The following SDHA variants were observed in gnomAD, a reference collection of about 807,000 sequenced individuals.
The protein encoded by SDHA is succinate dehydrogenase complex flavoprotein subunit A.
A neutral mutation model predicts 78.4 loss-of-function variants in SDHA; 48 were observed. The ratio of observed to expected loss-of-function variants is 0.61; its 90% CI spans 0.49 to 0.78. The LOEUF is 0.78. SDHA is among the 30% of genes least tolerant of loss of function. The probability of loss-of-function intolerance (pLI) is 0.00; values close to 1 mark genes in which losing one functional copy is unlikely to be tolerated. For missense variants in SDHA, 680 were observed against 892.7 expected (o/e 0.76, Z 3.04); for synonymous variants, 326 against 353.9 (o/e 0.92, Z 0.88).
At position 224,802 on chromosome 5, in the gene SDHA, C is replaced by T. The variant is rs928681063; in HGVS notation, c.312+281C>T. On this transcript the variant is annotated intron_variant, in intron 3 of 14. Transcript: ENST00000264932. The stretch of plus-strand genomic sequence containing the variant: ...ACCTTCCCCACCTACCCCCGCCACC[C>T]CAACACCTTAAGAAAAGGAGATCAC... 8.2e-6 allele frequency: 4 copies of T among 487,934 alleles called. No individual in the cohort carries two copies. In the East Asian group the frequency reaches 1.6e-4, roughly 19 times the overall value. 30.2% of individuals were successfully genotyped at this position (487,934 alleles called of 1,614,324 possible). A position where few individuals can be genotyped will look rare whatever the true frequency, so the allele number is the denominator to read the frequency against.
At chr5:236,863 G>A (rs1370679508) in intron 10 of SDHA, among the ~76,000 whole-genome samples, 1 of 151,040 alleles carries the variant, frequency 6.6e-6, no homozygotes, top group Non-Finnish European at 1.5e-5. Flanking sequence ...TATTGCCCAG[G>A]CTGGTCTTGA....
chr5:259,046 C>T (rs1186011080), downstream of SDHA, among the ~76,000 whole-genome samples: 6 of 58,438 alleles, frequency 1.0e-4, no homozygotes, highest in Non-Finnish European at 9.6e-5. Flanking sequence ...GTGTGAGCTC[C>T]GCCTCCCGCC....
chr5:245,322 CAT>C (rs1484939911), intron 11 of SDHA, among the ~76,000 whole-genome samples: 1 of 152,104 alleles, frequency 6.6e-6, no homozygotes, highest in Non-Finnish European at 1.5e-5. Flanking sequence ...CTTTAATAGT[CAT>C]AGATTTAAAA....
intron 8 of SDHA, 23 bp downstream of exon 8, chr5:233,668 A>G (rs1352691008): frequency 6.2e-7 from 1 of 1,613,212 alleles, no homozygotes. Flanking sequence ...TACCACCAGC[A>G]CTGTCTGAGC....
At chr5:268,045 T>G in the SDHA span, among the ~76,000 whole-genome samples, 7 of 152,206 alleles carry the variant, frequency 4.6e-5, no homozygotes, top group African/African-American at 1.2e-4. Context: ...GATTCAGAGC[T>G]AGAGGTTTCT....
intron 11 of SDHA, chr5:250,679 T>C (rs1245479939): frequency 2.7e-6 from 1 of 376,826 alleles, no homozygotes; most frequent in East Asian, 6.5e-5. Flanking sequence ...TGGTTGGCCG[T>C]GGAGCTGTAT....
chr5:264,543 G>A, the SDHA span, among the ~76,000 whole-genome samples: 2 of 152,234 alleles, frequency 1.3e-5, no homozygotes, highest in Non-Finnish European at 2.9e-5. Context: ...CCTAATCCAG[G>A]ACATGCTCCT....
intron 5 of SDHA, among the ~76,000 whole-genome samples, chr5:226,292 AC>A (rs1449342963): frequency 6.6e-6 from 1 of 150,736 alleles, no homozygotes; most frequent in Non-Finnish European, 1.5e-5. Flanking sequence ...CGATAATCTT[AC>A]ATACCAGGTT....
At chr5:220,193 C>T (rs754056128) in intron 1 of SDHA, 10 of 380,104 alleles carry the variant, frequency 2.6e-5, no homozygotes, top group South Asian at 1.8e-4. Context: ...TTTCAAGTGA[C>T]GAACTTATCA....
rs747799778 is a variant in SDHA, at chr5:251,560, T to C, written c.1794+92T>C. 14 of 1,598,124 alleles carry C rather than the reference T, an allele frequency of 8.8e-6. No homozygotes were observed. In the Admixed American group the frequency reaches 1.1e-4, roughly 12 times the overall value. On this transcript the variant is annotated intron_variant, in intron 13 of 14. Coordinates refer to ENST00000264932, the MANE Select transcript of SDHA (RefSeq NM_004168.4). ...CCCTGCATTTTCTCTGCATTTTCTT[T>C]CGTTGCCCCAAAAGTAAATCCAAAA...
Position 231,063 on chromosome 5 carries a change from C to T in SDHA, c.895+63C>T, listed in dbSNP as rs1735369027. The T allele has an allele frequency of 5.1e-6, 8 of 1,570,176 alleles. No homozygotes were observed. In the East Asian group the frequency reaches 9.0e-5, roughly 18 times the overall value. On this transcript the variant is annotated intron_variant, in intron 7 of 14. Coordinates refer to ENST00000264932, the MANE Select transcript of SDHA (RefSeq NM_004168.4). ...GTGTGTGTCTTGTAAGCATGTGATG[C>T]CTACTCATTGCTCTTCCATAGTTTT...
intron 11 of SDHA, among the ~76,000 whole-genome samples, chr5:246,190 G>C (rs1311045496): frequency 1.3e-5 from 2 of 152,060 alleles, no homozygotes; most frequent in Non-Finnish European, 2.9e-5. Flanking sequence ...CGATCGAAAA[G>C]CAAGGCCATA....
chr5:265,739 G>C, the SDHA span, among the ~76,000 whole-genome samples: 6 of 151,962 alleles, frequency 3.9e-5, no homozygotes, highest in East Asian at 7.7e-4. Context: ...AGAGTTGCTT[G>C]AACCCGGGAG....
rs1736162122 is a variant in SDHA, at chr5:241,860, A to G, written c.1551+1384A>G. On this transcript the variant is annotated intron_variant, in intron 11 of 14. Transcript: ENST00000264932. ...AATGGTGAGAAGAACAGTGTGACTA[A>G]GGCACAGAAGGCTGAGTGATGCCCT... Among the ~76,000 whole-genome samples, 4 of 152,372 alleles carry G rather than the reference A, an allele frequency of 2.6e-5. No individual in the cohort carries two copies. In the South Asian group the frequency reaches 8.3e-4, roughly 32 times the overall value.
intron 1 of SDHA, among the ~76,000 whole-genome samples, chr5:223,042 C>T (rs566738084): frequency 5.9e-5 from 9 of 152,242 alleles, no homozygotes; most frequent in African/African-American, 1.4e-4. Context: ...CCCTCCTGGA[C>T]GATTGGAACT....
Position 224,380 on chromosome 5 carries a change from AGTG to A in SDHA, c.173_175del (p.Val58del), listed in dbSNP as rs1230864771. 6.2e-7 allele frequency: 1 copy of A among 1,613,508 alleles called. No individual in the cohort carries two copies. The highest frequency in any genetic ancestry group is 2.2e-5 in the East Asian group (1 of 44,880). Reference sequence around the variant, plus strand: ...TCCAGATTTCTGCTCAGTATCCAGTAGTGGATCATGAATTTGATGCAGTGGTGG... The same window carrying A: ...TCCAGATTTCTGCTCAGTATCCAGTAGATCATGAATTTGATGCAGTGGTGG... On this transcript the variant is annotated inframe_deletion, in exon 3 of 15. Transcript: ENST00000264932.
chr5:232,903 T>G (rs1735507980), intron 7 of SDHA, among the ~76,000 whole-genome samples: 1 of 152,174 alleles, frequency 6.6e-6, no homozygotes, highest in African/African-American at 2.4e-5. Context: ...TGTCCTCAGC[T>G]GCATGACTGG....
the SDHA span, among the ~76,000 whole-genome samples, chr5:262,223 A>G: frequency 1.9e-3 from 38 of 19,786 alleles, no homozygotes; most frequent in East Asian, 9.0e-3. Context: ...CCGCCTCCCG[A>G]CAGAGCATTA....
At chr5:238,837 T>G (rs1735949815) in intron 10 of SDHA, among the ~76,000 whole-genome samples, 1 of 151,810 alleles carries the variant, frequency 6.6e-6, no homozygotes. Flanking sequence ...CTCACACCTA[T>G]GTAGTCCCAG....
Sources: allele counts gnomAD v4.1 joint callset (sites outside exome capture counted in the v4.1 genomes callset), GRCh38; gene constraint gnomAD v4.1.1; transcripts MANE v1.5; gene names NCBI Gene and HGNC (gene_info 2026-07-23, HGNC 2026-07-21).